MPP2: variants seen among roughly 807,000 people sequenced by gnomAD.
MPP2 encodes the protein MAGUK p55 subfamily member 2.
In MPP2, 42 loss-of-function variants were observed where a neutral mutation model predicts 58.5. The observed-to-expected ratio is 0.72, with a 90% CI of 0.56 to 0.93. MPP2 has a LOEUF of 0.93. Ranked by LOEUF, MPP2 falls within the 40% of genes least tolerant of loss-of-function variation. The pLI is 0.00. For missense variants in MPP2, 632 were observed against 760.4 expected (o/e 0.83, Z 1.99); for synonymous variants, 300 against 307.8 (o/e 0.97, Z 0.26).
upstream of MPP2, chr17:43,907,692 G>A (rs923151280): frequency 2.0e-6 from 2 of 985,546 alleles, no homozygotes; most frequent in African/African-American, 3.5e-5. Context: ...GCCAGGTAGT[G>A]GTTTGGGAGA....
chr17:43,893,017 T>A (rs201249360), intron 3 of MPP2, among the ~76,000 whole-genome samples: 1 of 46,528 alleles, frequency 2.1e-5, no homozygotes, highest in African/African-American at 5.3e-5. Context: ...GATGGATGGA[T>A]GGATGGATGG....
At chr17:43,894,444 T>TATATAC (rs1437854675) in intron 3 of MPP2, among the ~76,000 whole-genome samples, 7 of 81,278 alleles carry the variant, frequency 8.6e-5, no homozygotes, top group Middle Eastern at 7.8e-3. Context: ...TATATATATA[T>TATATAC]ACACACACAC....
chr17:43,881,663 CCCT>C, intron 6 of MPP2, 74 bp from the exon 7 acceptor site: 1 of 1,545,820 alleles, frequency 6.5e-7, no homozygotes, highest in Non-Finnish European at 8.7e-7. Flanking sequence ...ACCCCATGCC[CCCT>C]CTTTTCACAG....
chr17:43,880,849 A>C lies in MPP2; in HGVS notation c.992T>G (p.Phe331Cys). The part of the protein sequence containing the change: ...MMYLTTKNAE[F>C]DRHELLIYEE... Reference sequence around the variant, plus strand: ...ATAAATGAGCAGCTCATGACGGTCAAACTCTGGACACAGGGAGATGGCGCT... The same window carrying C: ...ATAAATGAGCAGCTCATGACGGTCACACTCTGGACACAGGGAGATGGCGCT... The change falls in exon 10 of 13, where the codon TTT (phenylalanine) becomes TGT (cysteine). Residue 331 changes from phenylalanine to cysteine, a missense_variant. Physicochemically the swap from Phe to Cys is radical, Grantham distance 205. Transcript: ENST00000269095. This position sits in a 1 kb window ranked among gnomAD's most constrained non-coding sequence, Gnocchi z 5.2. The C allele has an allele frequency of 6.3e-7, 1 of 1,597,760 alleles. No homozygotes were observed. Among genetic ancestry groups the C allele is most frequent in the Non-Finnish European group, 8.5e-7 (1 of 1,169,992 alleles).
chr17:43,888,412 G>T (rs185778154), intron 3 of MPP2, among the ~76,000 whole-genome samples: 19 of 152,312 alleles, frequency 1.2e-4, no homozygotes, highest in Middle Eastern at 3.4e-3. Context: ...CATTTAGCTT[G>T]GCCCAGCCTA....
At position 43,880,693 on chromosome 17, in the gene MPP2, G is replaced by T; in HGVS notation, c.1148C>A (p.Pro383His). The T allele has an allele frequency of 6.2e-7, 1 of 1,606,966 alleles. No individual in the cohort carries two copies. Among genetic ancestry groups the T allele is most frequent in the Non-Finnish European group, 8.5e-7 (1 of 1,175,376 alleles). ...AGCAGGGCCCAGCTCCCACTCACAGGGCACCGTGGTGCCATAGCGATCTGG... is the reference window on the plus strand; with the variant it reads ...AGCAGGGCCCAGCTCCCACTCACAGTGCACCGTGGTGCCATAGCGATCTGG... ...WDPDRYGTTV[P>H]YTSRRPKDSE... Residue 383 changes from proline to histidine, a missense_variant and splice_region_variant, in exon 10 of 13, where the codon CCC (proline) becomes CAC (histidine). Physicochemically the swap from Pro to His is moderately conservative, Grantham distance 77. Coordinates refer to ENST00000269095, the MANE Select transcript of MPP2 (RefSeq NM_005374.5). The surrounding 1 kb of genome is among the most constrained non-coding windows in gnomAD (Gnocchi z 5.2).
chr17:43,888,070 A>C (rs1319427839), intron 3 of MPP2, among the ~76,000 whole-genome samples: 1 of 152,172 alleles, frequency 6.6e-6, no homozygotes, highest in Non-Finnish European at 1.5e-5. Context: ...ATAATAGAAA[A>C]TTTGTTTAGC....
At chr17:43,897,392 A>C (rs970494138) in intron 3 of MPP2, among the ~76,000 whole-genome samples, 4 of 152,194 alleles carry the variant, frequency 2.6e-5, no homozygotes, top group African/African-American at 9.7e-5. Context: ...GAGGCAGAAG[A>C]ATCACTTGAA....
chr17:43,894,193 C>A (rs1358446411), intron 3 of MPP2, among the ~76,000 whole-genome samples: 3 of 151,136 alleles, frequency 2.0e-5, no homozygotes, highest in East Asian at 3.9e-4. Context: ...CCAAGGCAGG[C>A]GGATTGCGAG....
rs768766617 is a variant in MPP2 at position 43,882,298 on chromosome 17, G to A, written c.667C>T (p.His223Tyr). 10 of 1,610,752 alleles carry A rather than the reference G, an allele frequency of 6.2e-6. No individual in the cohort carries two copies. The East Asian group carries it at 1.8e-4, about 29-fold the overall frequency. The change falls in exon 6 of 13, where the codon CAT becomes TAT. Residue 223 changes from histidine (H) to tyrosine (Y), a missense_variant. Transcript: ENST00000269095. ...LKILPSYQEP[H>Y]LPRQVFVKCH... ...GAGGGGCCCACCTGGCGGGGCAGATGGGGCTCCTGGTAGCTGGGCAGGATC... is the reference window on the plus strand; with the variant it reads ...GAGGGGCCCACCTGGCGGGGCAGATAGGGCTCCTGGTAGCTGGGCAGGATC...
rs1468772995 is a variant in MPP2 at position 43,879,728 on chromosome 17, A to G, written c.1353+54T>C. ...GTGTCTGGAACTATATGGGGGAGCA[A>G]TGAGGCAGCAGAGAGGACATTGGGC... On this transcript the variant is annotated intron_variant, in intron 11 of 12. Transcript: ENST00000269095. This position sits in a 1 kb window ranked among gnomAD's most constrained non-coding sequence, Gnocchi z 4.1. 5.0e-6 allele frequency: 8 copies of G among 1,588,406 alleles called. No homozygotes were observed. Among genetic ancestry groups the G allele is most frequent in the Non-Finnish European group, 6.9e-6 (8 of 1,162,264 alleles).
chr17:43,881,888 T>C (rs762324980), intron 6 of MPP2, among the ~76,000 whole-genome samples: 1 of 152,160 alleles, frequency 6.6e-6, no homozygotes, highest in Non-Finnish European at 1.5e-5. Flanking sequence ...AGAAGGGCTC[T>C]GGTGGAGGGC....
chr17:43,881,674 CAG>C (rs1225047382), intron 6 of MPP2, 85 bp from the exon 7 acceptor site: 1 of 1,515,978 alleles, frequency 6.6e-7, no homozygotes, highest in African/African-American at 1.4e-5. Context: ...CCTCTTTTCA[CAG>C]AGACTAAGGG....
intron 3 of MPP2, among the ~76,000 whole-genome samples, chr17:43,894,303 G>A (rs866333836): frequency 4.6e-4 from 69 of 151,494 alleles, no homozygotes; most frequent in African/African-American, 1.6e-3. Context: ...TGTAGTCCTA[G>A]CTACTTGGGA....
At chr17:43,882,826 CT>C in intron 5 of MPP2, 76 bp downstream of exon 5, 3 of 1,595,620 alleles carry the variant, frequency 1.9e-6, no homozygotes, top group Non-Finnish European at 1.7e-6. Flanking sequence ...CACACTTGGC[CT>C]TTTTTGTCCG....
At chr17:43,894,630 A>AC (rs2047763821) in intron 3 of MPP2, among the ~76,000 whole-genome samples, 1 of 146,574 alleles carries the variant, frequency 6.8e-6, no homozygotes, top group Non-Finnish European at 1.5e-5. Flanking sequence ...AAAAAAAAAA[A>AC]AAAAAAAGCA....
At position 43,882,891 on chromosome 17, in the gene MPP2, C is replaced by A. The variant is rs754188026; in HGVS notation, c.453+12G>T. ...CTCACCAGCACCACCTCTGGCCCTG[C>A]CCAGTCCTCACCAGATGTTCTCCGG... On this transcript the variant is annotated intron_variant, in intron 5 of 12. Transcript: ENST00000269095. 9 of 1,613,872 alleles carry A rather than the reference C, an allele frequency of 5.6e-6. No homozygotes were observed. The highest frequency in any genetic ancestry group is 1.7e-4 in the Middle Eastern group (1 of 5,884).
rs1205816352 is a variant in MPP2, at chr17:43,907,509, C to T, written c.-69G>A. On this transcript the variant is annotated 5_prime_UTR_variant, in exon 1 of 13. Coordinates refer to ENST00000269095, the MANE Select transcript of MPP2 (RefSeq NM_005374.5). Reference sequence around the variant, plus strand: ...GGAAGCCCCTAGCTCCGGGCGGCTCCAGCGCAGCCGGGCGCTCAGCGTTTA... The same window carrying T: ...GGAAGCCCCTAGCTCCGGGCGGCTCTAGCGCAGCCGGGCGCTCAGCGTTTA... The T allele has an allele frequency of 4.1e-6, 4 of 985,416 alleles. No individual in the cohort carries two copies. Among genetic ancestry groups the T allele is most frequent in the African/African-American group, 1.7e-5 (1 of 57,264 alleles). 61.0% of individuals were successfully genotyped at this position (985,416 alleles called of 1,614,324 possible).
At chr17:43,901,261 G>A in intron 2 of MPP2, 3 of 985,454 alleles carry the variant, frequency 3.0e-6, no homozygotes, top group Non-Finnish European at 3.6e-6. Context: ...TGTGGGTAGG[G>A]ATGGTGCCCC....
Sources: gnomAD v4.1 joint callset for allele counts (sites outside exome capture counted in the v4.1 genomes callset) on GRCh38, gnomAD v4.1.1 for gene constraint, Gnocchi (gnomAD v3.1) non-coding constraint, MANE v1.5 for transcripts, NCBI Gene and HGNC (gene_info 2026-07-23, HGNC 2026-07-21) for gene names.